SAE1: variants seen among roughly 807,000 people sequenced by gnomAD.
SAE1 encodes SUMO-activating enzyme subunit 1.
SAE1 carries 11 observed loss-of-function variants against 40.6 expected under a neutral mutation model. The observed-to-expected ratio is 0.27, with a 90% CI of 0.17 to 0.45. SAE1 has a LOEUF of 0.45. Among genes scored for constraint, SAE1 ranks in the 20% least tolerant of loss-of-function variants. The pLI is 1.00. For synonymous variants in SAE1, 155 were observed against 154.3 expected, an observed-to-expected ratio of 1.00 and a Z score of -0.03; for missense variants, 373 against 427.3, an observed-to-expected ratio of 0.87 and a Z score of 1.12.
chr19:47,207,870 A>G (rs981181437), intron 8 of SAE1, among the ~76,000 whole-genome samples: 7 of 152,118 alleles, frequency 4.6e-5, no homozygotes, highest in African/African-American at 1.4e-4. Flanking sequence ...TCCTGGGCTC[A>G]AGTGATTCTC....
At chr19:47,172,991 A>G (rs1445060692) in intron 6 of SAE1, among the ~76,000 whole-genome samples, 1 of 152,116 alleles carries the variant, frequency 6.6e-6, no homozygotes, top group African/African-American at 2.4e-5. Context: ...GGCAGTGCCC[A>G]CTGGAAGCCA....
intron 1 of SAE1, among the ~76,000 whole-genome samples, chr19:47,138,691 C>G (rs1028054295): frequency 6.6e-6 from 1 of 152,034 alleles, no homozygotes; most frequent in Non-Finnish European, 1.5e-5. Flanking sequence ...AACATATAAA[C>G]AAGTAGTGTA....
intron 5 of SAE1, among the ~76,000 whole-genome samples, chr19:47,169,464 T>C (rs1324044867): frequency 6.6e-6 from 1 of 152,190 alleles, no homozygotes; most frequent in African/African-American, 2.4e-5. Flanking sequence ...CAGGCTGGTC[T>C]CGAACTCCTG....
At chr19:47,163,262 AAAG>A (rs540636220) in intron 5 of SAE1, among the ~76,000 whole-genome samples, 100 of 152,052 alleles carry the variant, frequency 6.6e-4, no homozygotes, top group African/African-American at 2.3e-3. Context: ...AAAAAAAAAA[AAAG>A]AAAATTGAAA....
chr19:47,175,603 T>A (rs2058464459), intron 6 of SAE1, among the ~76,000 whole-genome samples: 1 of 152,118 alleles, frequency 6.6e-6, no homozygotes, highest in Non-Finnish European at 1.5e-5. Context: ...CCAGGCATGG[T>A]GGCACATGCC....
chr19:47,208,429 T>C (rs577700053), intron 8 of SAE1, among the ~76,000 whole-genome samples: 3 of 151,504 alleles, frequency 2.0e-5, no homozygotes, highest in Admixed American at 2.0e-4. Flanking sequence ...CTGGCTAATT[T>C]ATGTCATTTT....
intron 6 of SAE1, among the ~76,000 whole-genome samples, chr19:47,171,157 T>A (rs749344641): frequency 7.3e-5 from 11 of 151,138 alleles, no homozygotes; most frequent in Non-Finnish European, 1.5e-4. Flanking sequence ...ATATTTTTAG[T>A]AGAGACAGGG....
chr19:47,179,337 C>T (rs927405167), intron 6 of SAE1, among the ~76,000 whole-genome samples: 1 of 151,564 alleles, frequency 6.6e-6, no homozygotes, highest in African/African-American at 2.4e-5. Flanking sequence ...GAAACCCTGT[C>T]TCTACTAAAG....
At chr19:47,159,388 C>T (rs2058344117) in intron 5 of SAE1, among the ~76,000 whole-genome samples, 1 of 152,096 alleles carries the variant, frequency 6.6e-6, no homozygotes, top group African/African-American at 2.4e-5. Context: ...TTGTCTCTGT[C>T]TCCCCGCTTC....
intron 5 of SAE1, among the ~76,000 whole-genome samples, chr19:47,165,237 A>G (rs546887113): frequency 1.5e-4 from 23 of 149,714 alleles, no homozygotes; most frequent in South Asian, 2.1e-4. Context: ...TTACAGGCAC[A>G]TGCCACCATG....
At chr19:47,143,164 G>A (rs1411271124) in intron 1 of SAE1, among the ~76,000 whole-genome samples, 1 of 151,862 alleles carries the variant, frequency 6.6e-6, no homozygotes, top group African/African-American at 2.4e-5. Context: ...GAAGTGCAGT[G>A]GCATGATCTC....
Position 47,178,883 on chromosome 19 carries a change from C to T in SAE1, c.733+8960C>T, listed in dbSNP as rs1208087668. Among the ~76,000 whole-genome samples the T allele has an allele frequency of 2.6e-5, 4 of 152,236 alleles. No individual in the cohort carries two copies. The East Asian group carries it at 7.7e-4, about 29-fold the overall frequency. On this transcript the variant is annotated intron_variant, in intron 6 of 8. Transcript: ENST00000270225. ...GTAGCTGTTCAATATAGTATTTTGA[C>T]TGCATACCCTCAAAGTAAAGAAAAA...
At chr19:47,161,300 C>T (rs145607987) in intron 5 of SAE1, among the ~76,000 whole-genome samples, 19 of 152,048 alleles carry the variant, frequency 1.2e-4, no homozygotes, top group African/African-American at 2.4e-4. Flanking sequence ...CATGAGCCAC[C>T]GTACCCAGCC....
chr19:47,205,129 G>A (rs563525958), intron 8 of SAE1, among the ~76,000 whole-genome samples: 15 of 152,218 alleles, frequency 9.9e-5, no homozygotes, highest in Admixed American at 2.6e-4. Context: ...CGTGGACTCC[G>A]GTGAGGCTTT....
At chr19:47,141,362 G>T (rs531685230) in intron 1 of SAE1, among the ~76,000 whole-genome samples, 2 of 151,852 alleles carry the variant, frequency 1.3e-5, no homozygotes, top group Admixed American at 6.6e-5. Context: ...GGCTGGTCTC[G>T]AACTCCTGAC....
intron 6 of SAE1, among the ~76,000 whole-genome samples, chr19:47,182,633 C>T (rs755019241): frequency 9.9e-5 from 15 of 152,050 alleles, no homozygotes; most frequent in Admixed American, 2.0e-4. Context: ...CCCACAAATG[C>T]GGCTCAGTGC....
At position 47,141,248 on chromosome 19, in the gene SAE1, C is replaced by T. The variant is rs977454794; in HGVS notation, c.99-2246C>T. 2.6e-5 allele frequency among the ~76,000 whole-genome samples: 4 copies of T among 152,122 alleles called. No individual in the cohort carries two copies. The East Asian group carries it at 7.7e-4, about 29-fold the overall frequency. On this transcript the variant is annotated intron_variant, in intron 1 of 8. Transcript: ENST00000270225. The stretch of plus-strand genomic sequence containing the variant: ...AACCCCTGGACTCAAGTGATCTGCC[C>T]GCCTTGGCCTCCCAAAGTGCTGGGA...
Position 47,182,496 on chromosome 19 carries a change from T to TGTGTGTGTGTGTGCGCGCGC in SAE1, c.733+12574_733+12575insTGTGTGTGTGTGCGCGCGCG, listed in dbSNP as rs143321323. Among the ~76,000 whole-genome samples the TGTGTGTGTGTGTGCGCGCGC allele has an allele frequency of 6.8e-5, 10 of 146,038 alleles. 1 individual carries two copies. In the East Asian group the frequency reaches 1.8e-3, roughly 27 times the overall value. ...GTGTGTGTGTGTGTGTGTGTGTGTG[T>TGTGTGTGTGTGTGCGCGCGC]GCGCGCACGCACGCGCGCGCGCACA... On this transcript the variant is annotated intron_variant, in intron 6 of 8. Transcript: ENST00000270225.
intron 1 of SAE1, among the ~76,000 whole-genome samples, chr19:47,134,676 A>G (rs1230763237): frequency 6.6e-6 from 1 of 152,160 alleles, no homozygotes; most frequent in Non-Finnish European, 1.5e-5. Flanking sequence ...GCGGCAGCAG[A>G]TAGCTTTGTT....
Sources: gnomAD v4.1 joint callset for allele counts (sites outside exome capture counted in the v4.1 genomes callset) on GRCh38, gnomAD v4.1.1 for gene constraint, MANE v1.5 for transcripts, NCBI Gene and HGNC (gene_info 2026-07-23, HGNC 2026-07-21) for gene names.